AMPH: variants seen among roughly 807,000 people sequenced by gnomAD.
AMPH encodes the protein amphiphysin (Stiff-Mann syndrome with breast cancer 128kD autoantigen).
Under a neutral mutation model 99.1 loss-of-function variants are expected in AMPH, and 49 were observed. The observed-to-expected ratio is 0.49, with a 90% confidence interval of 0.39 to 0.63. The LOEUF is 0.63. Among genes scored for constraint, AMPH ranks in the 20% least tolerant of loss-of-function variants. The pLI is 0.00. For synonymous variants in AMPH, 314 were observed against 317.3 expected (o/e 0.99, Z 0.11); for missense variants, 759 against 863.4 (o/e 0.88, Z 1.52).
intron 1 of AMPH, among the ~76,000 whole-genome samples, chr7:38,537,596 A>C (rs1371346116): frequency 6.6e-6 from 1 of 152,230 alleles, no homozygotes; most frequent in East Asian, 1.9e-4. Context: ...TTATTACTCA[A>C]CTTGCAACCA....
At chr7:38,401,378 A>G (rs1485315227) in intron 17 of AMPH, among the ~76,000 whole-genome samples, 1 of 152,208 alleles carries the variant, frequency 6.6e-6, no homozygotes, top group Admixed American at 6.5e-5. Context: ...TAGGATCCTC[A>G]ATAGACATGT....
At chr7:38,521,347 C>G (rs538331596) in intron 2 of AMPH, among the ~76,000 whole-genome samples, 1 of 152,234 alleles carries the variant, frequency 6.6e-6, no homozygotes, top group African/African-American at 2.4e-5. Flanking sequence ...CATGGCAAAA[C>G]CTGTCTCTAC....
chr7:38,483,834 T>C (rs1011632678), intron 5 of AMPH, among the ~76,000 whole-genome samples: 25 of 152,152 alleles, frequency 1.6e-4, no homozygotes, highest in Middle Eastern at 3.2e-3. Context: ...TGGAGATATA[T>C]GATGTGCCTG....
chr7:38,567,455 G>A (rs998358911), intron 1 of AMPH, among the ~76,000 whole-genome samples: 1 of 152,136 alleles, frequency 6.6e-6, no homozygotes, highest in Non-Finnish European at 1.5e-5. Context: ...GTTGATGGGT[G>A]CAGCAAACCA....
At chr7:38,519,160 T>C (rs1789860666) in intron 2 of AMPH, among the ~76,000 whole-genome samples, 1 of 152,250 alleles carries the variant, frequency 6.6e-6, no homozygotes, top group Non-Finnish European at 1.5e-5. Flanking sequence ...CACCACATCC[T>C]TGGACTTCCC....
At chr7:38,577,310 C>G (rs1584266293) in intron 1 of AMPH, among the ~76,000 whole-genome samples, 1 of 152,176 alleles carries the variant, frequency 6.6e-6, no homozygotes, top group South Asian at 2.1e-4. Context: ...CCCTCTTCAT[C>G]CCTAGGCTGT....
intron 9 of AMPH, chr7:38,464,243 A>G: frequency 1.5e-6 from 1 of 675,484 alleles, no homozygotes; most frequent in Non-Finnish European, 2.2e-6. Context: ...ACAACCCTAA[A>G]TTTTTTCATG....
chr7:38,436,334 G>C lies in AMPH; in HGVS notation c.1072C>G (p.Pro358Ala), dbSNP rs1051637568. The C allele has an allele frequency of 6.2e-6, 10 of 1,614,066 alleles. No homozygotes were observed. The South Asian group carries it at 9.9e-5, about 16-fold the overall frequency. Residue 358 changes from proline (P) to alanine (A), a missense_variant, in exon 12 of 21, where the codon CCT (proline) becomes GCT (alanine). Coordinates refer to ENST00000356264, the MANE Select transcript of AMPH (RefSeq NM_001635.4). ...EETLLDLDFD[P>A]FKPEVTPAGS... ...GCAGGTGTCACCTCGGGCTTGAAAGGATCAAAGTCCAGATCCAGCAAAGTC... is the reference window on the plus strand; with the variant it reads ...GCAGGTGTCACCTCGGGCTTGAAAGCATCAAAGTCCAGATCCAGCAAAGTC...
At chr7:38,409,515 C>T (rs376928852) in intron 17 of AMPH, among the ~76,000 whole-genome samples, 7 of 152,280 alleles carry the variant, frequency 4.6e-5, no homozygotes, top group South Asian at 2.1e-4. Flanking sequence ...ATGGTACCCC[C>T]GGTCCCTAGT....
intron 1 of AMPH, among the ~76,000 whole-genome samples, chr7:38,551,483 C>T (rs2129046113): frequency 6.6e-6 from 1 of 152,180 alleles, no homozygotes; most frequent in South Asian, 2.1e-4. Flanking sequence ...TTTCCTTTCC[C>T]TCCTCACCTC....
chr7:38,603,031 G>A (rs1426972731), intron 1 of AMPH, among the ~76,000 whole-genome samples: 1 of 152,158 alleles, frequency 6.6e-6, no homozygotes, highest in Non-Finnish European at 1.5e-5. Context: ...GTCCAGAGAT[G>A]AGAAAATAGT....
intron 1 of AMPH, among the ~76,000 whole-genome samples, chr7:38,615,861 T>A (rs1468787693): frequency 6.6e-6 from 1 of 152,128 alleles, no homozygotes; most frequent in African/African-American, 2.4e-5. Flanking sequence ...GGGCTGGGGA[T>A]CAGAGCCCAA....
intron 16 of AMPH, among the ~76,000 whole-genome samples, chr7:38,418,600 A>G (rs751575217): frequency 5.3e-5 from 8 of 152,240 alleles, no homozygotes; most frequent in Non-Finnish European, 1.0e-4. Flanking sequence ...GCTATTTGCT[A>G]CTACAATCAT....
intron 7 of AMPH, among the ~76,000 whole-genome samples, chr7:38,469,902 G>A (rs1787814677): frequency 6.6e-6 from 1 of 152,158 alleles, no homozygotes; most frequent in South Asian, 2.1e-4. Flanking sequence ...CTGAAATGGG[G>A]CAGATTAGTG....
Position 38,424,326 on chromosome 7 carries a change from T to C in AMPH, c.1216-1849A>G, listed in dbSNP as rs148368280. Among the ~76,000 whole-genome samples the C allele has an allele frequency of 1.4e-3, 206 of 152,280 alleles. 1 individual carries two copies. The highest frequency in any genetic ancestry group is 4.8e-3 in the African/African-American group (201 of 41,566). The stretch of plus-strand genomic sequence containing the variant: ...TCTCAAATATAAAAGAGAGATGGAA[T>C]AGAAAGGGTTAAGCAAGAGGAAGAA... On this transcript the variant is annotated intron_variant, in intron 15 of 20. Coordinates refer to ENST00000356264, the MANE Select transcript of AMPH (RefSeq NM_001635.4).
At chr7:38,434,479 C>T (rs1786177812) in intron 12 of AMPH, among the ~76,000 whole-genome samples, 1 of 152,150 alleles carries the variant, frequency 6.6e-6, no homozygotes, top group African/African-American at 2.4e-5. Flanking sequence ...GTGGCTCATG[C>T]CTGTAATCCC....
At chr7:38,612,084 CTTCTTTTTTT>C (rs1277777494) in intron 1 of AMPH, among the ~76,000 whole-genome samples, 2 of 90,860 alleles carry the variant, frequency 2.2e-5, no homozygotes, top group African/African-American at 4.5e-5. Context: ...TTTTTGTCTT[CTTCTTTTTTT>C]TTTTTTTTTT....
At chr7:38,567,334 A>T (rs1029750490) in intron 1 of AMPH, among the ~76,000 whole-genome samples, 1 of 152,176 alleles carries the variant, frequency 6.6e-6, no homozygotes, top group Non-Finnish European at 1.5e-5. Context: ...GTGGGAGCTG[A>T]ACAATGAGAA....
intron 5 of AMPH, among the ~76,000 whole-genome samples, chr7:38,480,553 T>C (rs1562782543): frequency 6.6e-6 from 1 of 152,132 alleles, no homozygotes; most frequent in East Asian, 1.9e-4. Context: ...GAGAGGTGGG[T>C]TGGGGCAGTT....
Sources: gnomAD v4.1 joint callset for allele counts (sites outside exome capture counted in the v4.1 genomes callset) on GRCh38, gnomAD v4.1.1 for gene constraint, MANE v1.5 for transcripts, NCBI Gene and HGNC (gene_info 2026-07-23, HGNC 2026-07-21) for gene names.